MXD3: variants seen among roughly 807,000 people sequenced by gnomAD.
The protein encoded by MXD3 is Max-associated protein 3.
In MXD3, 20 loss-of-function variants were observed where a neutral mutation model predicts 27.5. That is an observed-to-expected ratio of 0.73 (90% confidence interval 0.51 to 1.06). The LOEUF is 1.06. Ranked by LOEUF, MXD3 falls within the 50% of genes least tolerant of loss-of-function variation. The pLI, the probability that MXD3 is intolerant of heterozygous loss-of-function variation, is 0.00. For synonymous variants in MXD3, 150 were observed against 130.7 expected, an observed-to-expected ratio of 1.15 and a Z score of -1.01; for missense variants, 298 against 291.3, an observed-to-expected ratio of 1.02 and a Z score of -0.17.
intron 4 of MXD3, among the ~76,000 whole-genome samples, chr5:177,308,785 T>G (rs1206231647): frequency 6.6e-6 from 1 of 152,302 alleles, no homozygotes; most frequent in South Asian, 2.1e-4. Flanking sequence ...AAACAAAGGC[T>G]ACCAGTCTGT....
At chr5:177,307,071 G>A, downstream of MXD3, 1 of 1,466,174 alleles carries the variant, frequency 6.8e-7, no homozygotes, top group Non-Finnish European at 9.0e-7. Context: ...AGACAGAACA[G>A]CCTCAAGTTG....
chr5:177,311,636 T>G, intron 1 of MXD3, 125 bp downstream of exon 1: 1 of 1,196,866 alleles, frequency 8.4e-7, no homozygotes, highest in East Asian at 2.8e-5. Flanking sequence ...CCTCTCGAGT[T>G]GAGGGCGAGG....
chr5:177,306,251 G>A (rs917501867), downstream of MXD3: 1 of 1,570,226 alleles, frequency 6.4e-7, no homozygotes, highest in East Asian at 2.2e-5. Context: ...GTCTGGGTTA[G>A]TCATTGCCCT....
chr5:177,308,489 C>A (rs1438567679), intron 4 of MXD3, among the ~76,000 whole-genome samples: 1 of 152,044 alleles, frequency 6.6e-6, no homozygotes, highest in Non-Finnish European at 1.5e-5. Context: ...TCCCTAGTCT[C>A]GGCCTCACAA....
rs912630979 is a variant in MXD3 at position 177,307,231 on chromosome 5, A to G, written c.*357T>C. 2 of 1,551,586 alleles carry G rather than the reference A, an allele frequency of 1.3e-6. No homozygotes were observed. The highest frequency in any genetic ancestry group is 1.4e-5 in the African/African-American group (1 of 73,054). Reference sequence around the variant, plus strand: ...GAAGTTATGAAAGAGGCTTTTAATGAAAATACTGTACAGTTTATGTGAGGC... The same window carrying G: ...GAAGTTATGAAAGAGGCTTTTAATGGAAATACTGTACAGTTTATGTGAGGC... On this transcript the variant is annotated 3_prime_UTR_variant, in exon 6 of 6. Coordinates refer to ENST00000439742, the MANE Select transcript of MXD3 (RefSeq NM_031300.4).
At chr5:177,307,023 C>G (rs1760896191), downstream of MXD3, 1 of 1,441,264 alleles carries the variant, frequency 6.9e-7, no homozygotes, top group Non-Finnish European at 9.2e-7. Flanking sequence ...TCAGGCGAGT[C>G]ACGTCACTCA....
At chr5:177,309,261 T>C (rs989934880) in intron 4 of MXD3, among the ~76,000 whole-genome samples, 2 of 152,026 alleles carry the variant, frequency 1.3e-5, no homozygotes, top group African/African-American at 4.8e-5. Flanking sequence ...CCTGGGTAGA[T>C]AGGTGTGCTG....
downstream of MXD3, chr5:177,307,078 G>C (rs1004786283): frequency 6.8e-7 from 1 of 1,468,342 alleles, no homozygotes; most frequent in African/African-American, 1.4e-5. Flanking sequence ...ACAGCCTCAA[G>C]TTGTGAGAAT....
intron 2 of MXD3, 64 bp downstream of exon 2, chr5:177,311,315 G>A: frequency 8.7e-7 from 1 of 1,150,448 alleles, no homozygotes; most frequent in Non-Finnish European, 1.2e-6. Flanking sequence ...AGTGGGCAGA[G>A]GAGGGCCCGA....
upstream of MXD3, chr5:177,312,293 G>A: frequency 2.0e-6 from 2 of 986,404 alleles, no homozygotes; most frequent in Non-Finnish European, 2.4e-6. Context: ...GTGCCGCGGG[G>A]GCGGGGCCTC....
chr5:177,307,413 GC>G lies in MXD3; in HGVS notation c.*174del, dbSNP rs1330834055. On this transcript the variant is annotated 3_prime_UTR_variant, in exon 6 of 6. Coordinates refer to ENST00000439742, the MANE Select transcript of MXD3 (RefSeq NM_031300.4). ...AGTCCTGCCCCTTCCCTTCCAGAGGGCCTGCCTGGCAGCCAGCAGCAGGGTG... is the reference window on the plus strand; with the variant it reads ...AGTCCTGCCCCTTCCCTTCCAGAGGGCTGCCTGGCAGCCAGCAGCAGGGTG... The G allele has an allele frequency of 3.4e-6, 5 of 1,491,468 alleles. No homozygotes were observed. Among genetic ancestry groups the G allele is most frequent in the Non-Finnish European group, 4.5e-6 (5 of 1,101,912 alleles). 92.4% of individuals were successfully genotyped at this position (1,491,468 alleles called of 1,614,324 possible).
At position 177,311,500 on chromosome 5, in the gene MXD3, C is replaced by T. The variant is rs905486430; in HGVS notation, c.71-16G>A. ...TGCTCGGCCTCTGCCAGAGAGAGTCCCCGCCCGCGTCAGGCTGGGGCTGGA... is the reference window on the plus strand; with the variant it reads ...TGCTCGGCCTCTGCCAGAGAGAGTCTCCGCCCGCGTCAGGCTGGGGCTGGA... On this transcript the variant is annotated splice_polypyrimidine_tract_variant and intron_variant, in intron 1 of 5. Coordinates refer to ENST00000439742, the MANE Select transcript of MXD3 (RefSeq NM_031300.4). 7.0e-7 allele frequency: 1 copy of T among 1,424,940 alleles called. No individual in the cohort carries two copies. Among genetic ancestry groups the T allele is most frequent in the Non-Finnish European group, 9.2e-7 (1 of 1,087,502 alleles). 88.3% of individuals were successfully genotyped at this position (1,424,940 alleles called of 1,614,324 possible).
chr5:177,308,786 A>G (rs551462999), intron 4 of MXD3, among the ~76,000 whole-genome samples: 1 of 152,292 alleles, frequency 6.6e-6, no homozygotes, highest in South Asian at 2.1e-4. Flanking sequence ...AACAAAGGCT[A>G]CCAGTCTGTA....
chr5:177,312,704 G>T (rs1761066017), upstream of MXD3: 1 of 985,358 alleles, frequency 1.0e-6, no homozygotes, highest in South Asian at 4.7e-5. Context: ...CGTCAGTGGG[G>T]TAACAGCTTC....
intron 4 of MXD3, among the ~76,000 whole-genome samples, chr5:177,308,745 C>G (rs1760963595): frequency 6.6e-6 from 1 of 152,152 alleles, no homozygotes; most frequent in South Asian, 2.1e-4. Context: ...GGATTGACAG[C>G]TAATTTAAAT....
At chr5:177,306,250 A>C (rs575089159), downstream of MXD3, 176 of 1,568,610 alleles carry the variant, frequency 1.1e-4, 3 homozygotes, top group Middle Eastern at 1.5e-3. Context: ...AGTCTGGGTT[A>C]GTCATTGCCC....
At chr5:177,305,596 A>G, downstream of MXD3, 1 of 457,538 alleles carries the variant, frequency 2.2e-6, no homozygotes, top group Non-Finnish European at 4.0e-6. Flanking sequence ...GCACAAAACA[A>G]AATCCAGGAG....
downstream of MXD3, chr5:177,305,549 T>A (rs1016883159): frequency 6.3e-6 from 2 of 319,454 alleles, no homozygotes; most frequent in African/African-American, 4.3e-5. Context: ...GAGCTGCAGC[T>A]GGTGGAAGGC....
downstream of MXD3, chr5:177,305,604 G>C (rs1760845994): frequency 2.1e-6 from 1 of 473,286 alleles, no homozygotes; most frequent in Non-Finnish European, 3.8e-6. Flanking sequence ...CAAAATCCAG[G>C]AGCAGGATGG....
Sources: gnomAD v4.1 joint callset for allele counts (sites outside exome capture counted in the v4.1 genomes callset) on GRCh38, gnomAD v4.1.1 for gene constraint, MANE v1.5 for transcripts, NCBI Gene and HGNC (gene_info 2026-07-23, HGNC 2026-07-21) for gene names.